ALPK2: variants seen among roughly 807,000 people sequenced by gnomAD.
ALPK2 encodes alpha-protein kinase 2.
A neutral mutation model predicts 163.1 loss-of-function variants in ALPK2; 127 were observed. That is an observed-to-expected ratio of 0.78 (90% CI 0.67 to 0.90). ALPK2 has a LOEUF of 0.90. ALPK2 is among the 40% of genes least tolerant of loss of function. ALPK2 has a pLI of 0.00. For synonymous variants in ALPK2, 953 were observed against 959.1 expected, an observed-to-expected ratio of 0.99 and a Z score of 0.12; for missense variants, 2,360 against 2,589.6, an observed-to-expected ratio of 0.91 and a Z score of 1.92.
intron 4 of ALPK2, among the ~76,000 whole-genome samples, chr18:58,573,490 G>A (rs9967530): frequency 2.2e-4 from 33 of 147,432 alleles, no homozygotes; most frequent in Non-Finnish European, 4.3e-4. Context: ...CGAGTCCAAC[G>A]GCCTTGGATT....
At chr18:58,611,574 A>C (rs181058719) in intron 2 of ALPK2, 115 bp downstream of exon 2, 8 of 945,856 alleles carry the variant, frequency 8.5e-6, no homozygotes, top group Middle Eastern at 2.2e-4. Context: ...TACACAGAAA[A>C]AAAAACTTCC....
Position 58,498,101 on chromosome 18 carries a change from C to T in ALPK2, c.6248-4G>A, listed in dbSNP as rs1346296402. ...TCAGTTAGCTTCATTCCTACACCTACAGGAAGAGAAAGCAAAGATGGGAGT... is the reference window on the plus strand; with the variant it reads ...TCAGTTAGCTTCATTCCTACACCTATAGGAAGAGAAAGCAAAGATGGGAGT... On this transcript the variant is annotated splice_region_variant and splice_polypyrimidine_tract_variant and intron_variant, in intron 11 of 12. Coordinates refer to ENST00000361673, the MANE Select transcript of ALPK2 (RefSeq NM_052947.4). 1.2e-6 allele frequency: 2 copies of T among 1,614,110 alleles called. No individual in the cohort carries two copies. Among genetic ancestry groups the T allele is most frequent in the Non-Finnish European group, 1.7e-6 (2 of 1,179,986 alleles).
At chr18:58,600,346 G>T (rs1602235516) in intron 3 of ALPK2, among the ~76,000 whole-genome samples, 1 of 152,042 alleles carries the variant, frequency 6.6e-6, no homozygotes, top group Admixed American at 6.6e-5. Context: ...CCCAGTGGGG[G>T]TGTCTTTAAG....
At chr18:58,609,987 G>C (rs114937433) in intron 2 of ALPK2, among the ~76,000 whole-genome samples, 1 of 152,126 alleles carries the variant, frequency 6.6e-6, no homozygotes, top group African/African-American at 2.4e-5. Context: ...GGCTGAAATC[G>C]AGGTTTTATG....
chr18:58,520,592 A>G (rs1023460399), intron 8 of ALPK2, among the ~76,000 whole-genome samples: 1 of 152,170 alleles, frequency 6.6e-6, no homozygotes, highest in Non-Finnish European at 1.5e-5. Flanking sequence ...AACCATGTGG[A>G]TACCTGCAGC....
At chr18:58,593,720 A>G (rs1335096123) in intron 3 of ALPK2, among the ~76,000 whole-genome samples, 1 of 151,636 alleles carries the variant, frequency 6.6e-6, no homozygotes, top group Non-Finnish European at 1.5e-5. Flanking sequence ...TCTACTAAAA[A>G]TACAAAAATT....
intron 1 of ALPK2, among the ~76,000 whole-genome samples, chr18:58,626,248 G>T (rs1303707033): frequency 6.6e-6 from 1 of 152,144 alleles, no homozygotes; most frequent in Non-Finnish European, 1.5e-5. Flanking sequence ...AAGCCCGCTT[G>T]TGAATCTCGT....
intron 6 of ALPK2, among the ~76,000 whole-genome samples, chr18:58,527,986 G>T (rs2051592565): frequency 6.6e-6 from 1 of 152,166 alleles, no homozygotes; most frequent in Middle Eastern, 3.4e-3. Flanking sequence ...AAAATTAAGG[G>T]GATTGGAACC....
chr18:58,504,035 A>C lies in ALPK2; in HGVS notation c.6143T>G (p.Ile2048Arg), dbSNP rs770440948. 4.4e-5 allele frequency: 71 copies of C among 1,614,138 alleles called. 3 individuals are homozygous for C. In the Middle Eastern group the frequency reaches 5.0e-4, roughly 11 times the overall value. ...TTCTGATTCTCTTCTCAAGAAGTTT[A>C]TTTCTTTCCCATCCCTGATGGAATA... is the stretch of plus-strand genomic sequence containing the variant. Reference protein sequence around the residue: ...VKYSIRDGKEINFLRRESEAG... With the variant: ...VKYSIRDGKERNFLRRESEAG... Residue 2048 changes from isoleucine (I) to arginine (R), a missense_variant, in exon 11 of 13, where the codon ATA (isoleucine) becomes AGA (arginine). By Grantham distance (97) the Ile-to-Arg change is moderately conservative. Coordinates refer to ENST00000361673, the MANE Select transcript of ALPK2 (RefSeq NM_052947.4).
chr18:58,493,940 T>C (rs375633616), intron 12 of ALPK2, among the ~76,000 whole-genome samples: 64 of 152,288 alleles, frequency 4.2e-4, no homozygotes, highest in African/African-American at 1.5e-3. Context: ...ATTGGCTTTT[T>C]AGGGGAGACT....
Position 58,536,450 on chromosome 18 carries a change from G to T in ALPK2, c.3737C>A (p.Ser1246Tyr), listed in dbSNP as rs151102442. The part of the protein sequence containing the change: ...LKIITLEASA[S>Y]EIWPPRQLTN... ...CAGTTGTCGTGGTGGCCAGATTTCA[G>T]AAGCGGAAGCCTCTAGAGTTATAAT... The change falls in exon 5 of 13, where the codon TCT becomes TAT. Residue 1246 changes from serine to tyrosine, a missense_variant. Physicochemically the swap from Ser to Tyr is moderately radical, Grantham distance 144. Coordinates refer to ENST00000361673, the MANE Select transcript of ALPK2 (RefSeq NM_052947.4). 1.2e-3 allele frequency: 1,913 copies of T among 1,614,096 alleles called. 4 individuals carry two copies. Among genetic ancestry groups the T allele is most frequent in the Middle Eastern group, 3.8e-3 (23 of 6,060 alleles).
Position 58,537,857 on chromosome 18 carries a change from G to A in ALPK2, c.2330C>T (p.Ala777Val). The A allele has an allele frequency of 6.2e-7, 1 of 1,614,198 alleles. No homozygotes were observed. The highest frequency in any genetic ancestry group is 1.6e-4 in the Middle Eastern group (1 of 6,062). The change falls in exon 5 of 13, where the codon GCT becomes GTT. Residue 777 changes from alanine (A) to valine (V), a missense_variant. Coordinates refer to ENST00000361673, the MANE Select transcript of ALPK2 (RefSeq NM_052947.4). Reference sequence around the variant, plus strand: ...GGCAGTATCTGTGGGTTCAGGGGAAGCAACAGAGACAGCCACAGGCTCCCT... The same window carrying A: ...GGCAGTATCTGTGGGTTCAGGGGAAACAACAGAGACAGCCACAGGCTCCCT... ...DFREPVAVSV[A>V]SPEPTDTALT...
At chr18:58,596,434 A>T (rs998770475) in intron 3 of ALPK2, among the ~76,000 whole-genome samples, 2 of 151,892 alleles carry the variant, frequency 1.3e-5, no homozygotes, top group African/African-American at 4.8e-5. Context: ...GAGCAGCCTC[A>T]TTAGGGCTGT....
Position 58,534,822 on chromosome 18 carries a change from A to G in ALPK2, c.5353+12T>C. 1 of 1,595,162 alleles carries G rather than the reference A, an allele frequency of 6.3e-7. No individual in the cohort carries two copies. Among genetic ancestry groups the G allele is most frequent in the South Asian group, 1.1e-5 (1 of 87,090 alleles). On this transcript the variant is annotated intron_variant, in intron 5 of 12. Transcript: ENST00000361673. Reference sequence around the variant, plus strand: ...CAAACTTTAACAATGATGGACAGCAACAGAACCTCACCTCTTCCTTCTCTT... The same window carrying G: ...CAAACTTTAACAATGATGGACAGCAGCAGAACCTCACCTCTTCCTTCTCTT...
In ALPK2 at chr18:58,580,450, T is replaced by G; in HGVS notation, c.326A>C (p.Glu109Ala). Residue 109 changes from glutamate to alanine, a missense_variant, in exon 4 of 13, where the codon GAG becomes GCG. Physicochemically the swap from Glu to Ala is moderately radical, Grantham distance 107 (BLOSUM62 -1). Transcript: ENST00000361673. ...SASVEVECSSENPQLSPNLED... is the reference protein window; with the variant it reads ...SASVEVECSSANPQLSPNLED... ...CAGGTTAGGAGACAATTGTGGGTTC[T>G]CTGATGAGCACTCAACCTCAACGGA... The G allele has an allele frequency of 6.2e-7, 1 of 1,614,204 alleles. No individual in the cohort carries two copies. Among genetic ancestry groups the G allele is most frequent in the South Asian group, 1.1e-5 (1 of 91,078 alleles).
intron 12 of ALPK2, among the ~76,000 whole-genome samples, chr18:58,484,414 G>C (rs1479256614): frequency 6.6e-6 from 1 of 152,146 alleles, no homozygotes; most frequent in African/African-American, 2.4e-5. Flanking sequence ...TACGATGCAG[G>C]GGAAGCATTG....
At chr18:58,482,553 G>C (rs1006222111) in intron 12 of ALPK2, among the ~76,000 whole-genome samples, 1 of 152,210 alleles carries the variant, frequency 6.6e-6, no homozygotes, top group Admixed American at 6.5e-5. Context: ...GTTGATGTAA[G>C]AGACAAGATT....
At chr18:58,506,051 C>T (rs930946173) in intron 10 of ALPK2, among the ~76,000 whole-genome samples, 7 of 152,136 alleles carry the variant, frequency 4.6e-5, no homozygotes, top group East Asian at 1.9e-4. Context: ...CTTTAAATAC[C>T]GTTCAGATGC....
In ALPK2 at chr18:58,580,151, C is replaced by T; in HGVS notation, c.625G>A (p.Glu209Lys). Residue 209 changes from glutamate (E) to lysine (K), a missense_variant, in exon 4 of 13, where the codon GAA (glutamate) becomes AAA (lysine). Physicochemically the swap from Glu to Lys is moderately conservative, Grantham distance 56. Transcript: ENST00000361673. The stretch of plus-strand genomic sequence containing the variant: ...AAAAGCAACCCATTTGCAATTTCTT[C>T]TGTGTTACTTGGATCATAAGCCTCT... ...TGEAYDPSNT[E>K]EIANGLLFLN... 7 of 1,614,218 alleles carry T rather than the reference C, an allele frequency of 4.3e-6. No individual in the cohort carries two copies. The highest frequency in any genetic ancestry group is 4.0e-5 in the African/African-American group (3 of 75,058).
Sources: allele counts gnomAD v4.1 joint callset (sites outside exome capture counted in the v4.1 genomes callset), GRCh38; gene constraint gnomAD v4.1.1; transcripts MANE v1.5; gene names NCBI Gene and HGNC (gene_info 2026-07-23, HGNC 2026-07-21).